Variants in CLYBL observed in about 807,000 individuals in gnomAD.
The protein encoded by CLYBL is citramalyl-CoA lyase, mitochondrial.
Under a neutral mutation model 38.9 loss-of-function variants are expected in CLYBL, and 31 were observed. That is an observed-to-expected ratio of 0.80 (90% CI 0.60 to 1.08). CLYBL has a LOEUF of 1.08. Ranked by LOEUF, CLYBL falls within the 50% of genes least tolerant of loss-of-function variation. The pLI is 0.00. For synonymous variants in CLYBL, 171 were observed against 158.6 expected, an observed-to-expected ratio of 1.08 and a Z score of -0.59; for missense variants, 434 against 411.6, an observed-to-expected ratio of 1.05 and a Z score of -0.47.
At chr13:99,652,889 C>G (rs1230364837) in intron 1 of CLYBL, among the ~76,000 whole-genome samples, 1 of 152,196 alleles carries the variant, frequency 6.6e-6, no homozygotes, top group African/African-American at 2.4e-5. Flanking sequence ...AAGGGCTGTG[C>G]TGGCCACCTT....
At chr13:99,676,638 G>T (rs1370797556) in intron 1 of CLYBL, among the ~76,000 whole-genome samples, 1 of 149,642 alleles carries the variant, frequency 6.7e-6, no homozygotes, top group African/African-American at 2.5e-5. Context: ...TTGTTGCCCA[G>T]GCTGGAGTGC....
chr13:99,864,776 A>T, intron 4 of CLYBL, 42 bp from the exon 5 acceptor site: 1 of 1,369,994 alleles, frequency 7.3e-7, no homozygotes, highest in Non-Finnish European at 1.0e-6. Context: ...CCTCTGACGC[A>T]CGCGTTTCCG....
chr13:99,752,484 G>A (rs886376097), intron 1 of CLYBL, among the ~76,000 whole-genome samples: 25 of 152,286 alleles, frequency 1.6e-4, no homozygotes, highest in Middle Eastern at 3.4e-3. Context: ...AGGAATTTCT[G>A]GGAGGCTGGT....
chr13:99,765,492 T>G (rs537180781), intron 1 of CLYBL, among the ~76,000 whole-genome samples: 2 of 152,300 alleles, frequency 1.3e-5, no homozygotes, highest in South Asian at 4.1e-4. Flanking sequence ...TCTTTTTTTT[T>G]GAATAAGCTT....
intron 1 of CLYBL, among the ~76,000 whole-genome samples, chr13:99,663,037 C>T (rs770883216): frequency 1.5e-4 from 23 of 152,232 alleles, no homozygotes; most frequent in Non-Finnish European, 2.5e-4. Flanking sequence ...TAGCCAAATA[C>T]GGGGAATGAG....
intron 2 of CLYBL, among the ~76,000 whole-genome samples, chr13:99,781,370 C>G (rs7994927): frequency 0.063 from 9,559 of 151,888 alleles, 522 homozygotes; most frequent in African/African-American, 0.14. Flanking sequence ...TGGGGTTTCA[C>G]TGTGTTAGCC....
chr13:99,864,957 A>T (rs776476663), intron 5 of CLYBL, 46 bp downstream of exon 5: 1 of 1,214,948 alleles, frequency 8.2e-7, no homozygotes, highest in Non-Finnish European at 1.2e-6. Flanking sequence ...GTGTGTGTGT[A>T]TATGTGTGTA....
chr13:99,903,437 C>G (rs1231140358), intron 8 of CLYBL, among the ~76,000 whole-genome samples: 1 of 152,012 alleles, frequency 6.6e-6, no homozygotes, highest in Non-Finnish European at 1.5e-5. Flanking sequence ...CACACACATG[C>G]ACACAGGGAA....
intron 3 of CLYBL, 64 bp downstream of exon 3, chr13:99,859,113 G>A: frequency 7.3e-7 from 1 of 1,367,392 alleles, no homozygotes; most frequent in Non-Finnish European, 1.0e-6. Flanking sequence ...AGGAAGAAGG[G>A]ATCTGGGTGC....
At chr13:99,642,768 C>G (rs2047115162) in intron 1 of CLYBL, among the ~76,000 whole-genome samples, 1 of 144,018 alleles carries the variant, frequency 6.9e-6, no homozygotes, top group South Asian at 2.4e-4. Context: ...CTCCGTTGCT[C>G]TTTTATTTTC....
At chr13:99,905,008 C>A (rs553178155) in intron 8 of CLYBL, among the ~76,000 whole-genome samples, 1 of 151,934 alleles carries the variant, frequency 6.6e-6, no homozygotes, top group Non-Finnish European at 1.5e-5. Context: ...TCTGCTCCCC[C>A]ACATCTGCCT....
intron 2 of CLYBL, among the ~76,000 whole-genome samples, chr13:99,824,779 T>C (rs1278924644): frequency 6.6e-6 from 1 of 152,246 alleles, no homozygotes; most frequent in Admixed American, 6.5e-5. Flanking sequence ...CATCAAGATA[T>C]GCCTGACTGA....
chr13:99,792,273 C>G (rs1429780660), intron 2 of CLYBL, among the ~76,000 whole-genome samples: 1 of 152,166 alleles, frequency 6.6e-6, no homozygotes, highest in Non-Finnish European at 1.5e-5. Context: ...AGGCTGGACA[C>G]TGAGCAAGAC....
Position 99,827,022 on chromosome 13 carries a change from TTTAAG to T in CLYBL, c.250-31835_250-31831del, listed in dbSNP as rs546022988. On this transcript the variant is annotated intron_variant, in intron 2 of 8. Coordinates refer to ENST00000339105, the MANE Select transcript of CLYBL (RefSeq NM_206808.5). The stretch of plus-strand genomic sequence containing the variant: ...CTCAGGAGAGAAATGCTCCTCCCTG[TTTAAG>T]TTATTATTTTTATCTCCAGGGTCAT... Among the ~76,000 whole-genome samples, 627 of 152,234 alleles carry T rather than the reference TTTAAG, an allele frequency of 4.1e-3. 6 individuals carry two copies. Among genetic ancestry groups the T allele is most frequent in the African/African-American group, 0.014 (599 of 41,460 alleles).
rs1365873470 is a variant in CLYBL, at chr13:99,869,618, AAAGAT to A, written c.803-1318_803-1314del. ...TGTTTTAATTATGCCATTGGAAAGA[AAAGAT>A]ATTATTATATTTATCCACTTAAACT... On this transcript the variant is annotated intron_variant, in intron 6 of 8. Coordinates refer to ENST00000339105, the MANE Select transcript of CLYBL (RefSeq NM_206808.5). The surrounding 1 kb of genome is among the most constrained non-coding windows in gnomAD (Gnocchi z 4.3). Among the ~76,000 whole-genome samples the A allele has an allele frequency of 2.6e-5, 4 of 152,310 alleles. No homozygotes were observed. The highest frequency in any genetic ancestry group is 3.9e-4 in the East Asian group (2 of 5,186).
intron 1 of CLYBL, among the ~76,000 whole-genome samples, chr13:99,749,628 G>A (rs1256995546): frequency 2.6e-5 from 4 of 152,230 alleles, no homozygotes; most frequent in Admixed American, 2.6e-4. Flanking sequence ...GCACAAAACA[G>A]TGCACTTCAT....
At chr13:99,756,769 A>C (rs561967661) in intron 1 of CLYBL, among the ~76,000 whole-genome samples, 25 of 152,352 alleles carry the variant, frequency 1.6e-4, no homozygotes, top group Admixed American at 1.0e-3. Flanking sequence ...AGAGATCCTT[A>C]AACTAGCTAC....
intron 2 of CLYBL, among the ~76,000 whole-genome samples, chr13:99,795,719 A>C (rs2050009034): frequency 1.3e-5 from 2 of 152,336 alleles, no homozygotes; most frequent in Admixed American, 1.3e-4. Context: ...CTAGAGAGAA[A>C]GATGAGCCAG....
chr13:99,880,710 C>T (rs2052182317), intron 7 of CLYBL, among the ~76,000 whole-genome samples: 1 of 152,228 alleles, frequency 6.6e-6, no homozygotes, highest in Admixed American at 6.5e-5. Context: ...AGATGATCCC[C>T]CATGCCTGCT....
Sources: allele counts gnomAD v4.1 joint callset (sites outside exome capture counted in the v4.1 genomes callset), GRCh38; gene constraint gnomAD v4.1.1; non-coding constraint Gnocchi (gnomAD v3.1); transcripts MANE v1.5; gene names NCBI Gene and HGNC (gene_info 2026-07-23, HGNC 2026-07-21).